The following MGMT variants were observed in gnomAD, a reference collection of about 807,000 sequenced individuals.
The protein encoded by MGMT is methylated-DNA--protein-cysteine methyltransferase.
MGMT carries 14 observed loss-of-function variants against 15.9 expected under a neutral mutation model. The observed-to-expected ratio is 0.88, with a 90% CI of 0.58 to 1.37. The LOEUF (loss-of-function observed/expected upper bound fraction) is 1.37, where lower values mean the gene tolerates loss of function less well. MGMT is among the 40% of genes most tolerant of loss of function. The pLI is 0.00. For missense variants in MGMT, 282 were observed against 268.1 expected (o/e 1.05, Z -0.36); for synonymous variants, 130 against 118.2 (o/e 1.10, Z -0.65).
At chr10:129,520,770 G>C (rs572764086) in intron 1 of MGMT, among the ~76,000 whole-genome samples, 11 of 147,310 alleles carry the variant, frequency 7.5e-5, no homozygotes, top group Admixed American at 2.7e-4. Flanking sequence ...GAACCCCTAA[G>C]GTGTGCCTGC....
At chr10:129,759,162 C>T (rs753107469) in intron 3 of MGMT, 40 bp from the exon 4 acceptor site, 44 of 1,611,140 alleles carry the variant, frequency 2.7e-5, no homozygotes, top group Middle Eastern at 1.6e-4. Flanking sequence ...CTGCTGAAGC[C>T]GTTTGTCCAA....
chr10:129,542,742 C>T (rs746392044), intron 2 of MGMT, among the ~76,000 whole-genome samples: 9 of 152,140 alleles, frequency 5.9e-5, no homozygotes, highest in African/African-American at 1.9e-4. Flanking sequence ...TTATAGAAAT[C>T]GTCTGTTTTT....
In MGMT at chr10:129,497,288, C is replaced by T. The variant is rs372830533; in HGVS notation, c.-13+29992C>T. ...CAAGGGGAGGGTTTTCACGGAGGGGCGGTGCACAGCTCTGTGCCTCCCCGG... is the reference window on the plus strand; with the variant it reads ...CAAGGGGAGGGTTTTCACGGAGGGGTGGTGCACAGCTCTGTGCCTCCCCGG... On this transcript the variant is annotated intron_variant, in intron 1 of 4. Transcript: ENST00000651593. Among the ~76,000 whole-genome samples, 55 of 152,232 alleles carry T rather than the reference C, an allele frequency of 3.6e-4. No homozygotes were observed. The East Asian group carries it at 8.3e-3, about 23-fold the overall frequency.
At chr10:129,734,661 A>C (rs1470198506) in intron 3 of MGMT, among the ~76,000 whole-genome samples, 1 of 152,068 alleles carries the variant, frequency 6.6e-6, no homozygotes, top group African/African-American at 2.4e-5. Flanking sequence ...GAATGCTTCC[A>C]GTTTTTGCCC....
intron 2 of MGMT, among the ~76,000 whole-genome samples, chr10:129,554,883 G>A (rs1437213549): frequency 6.6e-6 from 1 of 152,146 alleles, no homozygotes. Context: ...TCCGGAGCGA[G>A]ATTCCTAACT....
At chr10:129,521,811 A>T (rs979296835) in intron 1 of MGMT, among the ~76,000 whole-genome samples, 13 of 152,212 alleles carry the variant, frequency 8.5e-5, no homozygotes, top group African/African-American at 2.9e-4. Flanking sequence ...GCCGCAGCTG[A>T]GGCCTGTGCA....
At chr10:129,711,289 A>G (rs925395421) in intron 3 of MGMT, among the ~76,000 whole-genome samples, 1 of 152,236 alleles carries the variant, frequency 6.6e-6, no homozygotes, top group Non-Finnish European at 1.5e-5. Flanking sequence ...TTAGGTTAAA[A>G]CTTATCAAAT....
chr10:129,643,026 T>C (rs907035130), intron 2 of MGMT, among the ~76,000 whole-genome samples: 4 of 152,156 alleles, frequency 2.6e-5, no homozygotes, highest in African/African-American at 7.2e-5. Context: ...AGCGAATGTG[T>C]AGTGGTTTCT....
intron 1 of MGMT, among the ~76,000 whole-genome samples, chr10:129,474,960 A>C (rs1429996022): frequency 6.6e-6 from 1 of 151,704 alleles, no homozygotes; most frequent in Non-Finnish European, 1.5e-5. Context: ...GGTACTGGTG[A>C]GGGCTGGCTA....
chr10:129,619,471 CTT>C (rs906873408), intron 2 of MGMT, among the ~76,000 whole-genome samples: 13 of 151,972 alleles, frequency 8.6e-5, no homozygotes, highest in Admixed American at 2.6e-4. Flanking sequence ...CACATTTTGT[CTT>C]TTTTAGGCTT....
rs931117464 is a variant in MGMT at position 129,659,168 on chromosome 10, C to A, written c.126-48727C>A. ...GGTCAGGAGTTCGAGACCAGCCTGG[C>A]CAACACAGTGAAACCCCATCTCTAC... On this transcript the variant is annotated intron_variant, in intron 2 of 4. Transcript: ENST00000651593. The surrounding 1 kb of genome is among the most constrained non-coding windows in gnomAD (Gnocchi z 4.1). Among the ~76,000 whole-genome samples, 9 of 152,134 alleles carry A rather than the reference C, an allele frequency of 5.9e-5. No individual in the cohort carries two copies. The East Asian group carries it at 1.3e-3, about 23-fold the overall frequency.
At chr10:129,680,022 T>A (rs943268549) in intron 2 of MGMT, among the ~76,000 whole-genome samples, 1 of 152,154 alleles carries the variant, frequency 6.6e-6, no homozygotes, top group East Asian at 1.9e-4. Context: ...TGTCTTCGAT[T>A]TAGAAAGGAA....
chr10:129,555,012 G>C (rs1200736566), intron 2 of MGMT, among the ~76,000 whole-genome samples: 1 of 152,178 alleles, frequency 6.6e-6, no homozygotes, highest in African/African-American at 2.4e-5. Flanking sequence ...ACAATTAAAT[G>C]AGCTGACCAG....
At chr10:129,608,808 C>T (rs1256121763) in intron 2 of MGMT, among the ~76,000 whole-genome samples, 4 of 152,244 alleles carry the variant, frequency 2.6e-5, no homozygotes, top group Non-Finnish European at 5.9e-5. Flanking sequence ...GGAGGCCCAG[C>T]GCGTGCTCCC....
intron 2 of MGMT, among the ~76,000 whole-genome samples, chr10:129,630,999 A>G (rs2133082626): frequency 6.6e-6 from 1 of 152,350 alleles, no homozygotes; most frequent in Non-Finnish European, 1.5e-5. Context: ...AAGGGAAGGA[A>G]AAATATCTCG....
rs544428349 is a variant in MGMT at position 129,729,225 on chromosome 10, C to T, written c.274+21182C>T. ...ACTCTTCAGGGGACAAACTTCGTGC[C>T]TCGTGTGAAAAACGAAAGGGCCCCA... On this transcript the variant is annotated intron_variant, in intron 3 of 4. Coordinates refer to ENST00000651593, the MANE Select transcript of MGMT (RefSeq NM_002412.5). Among the ~76,000 whole-genome samples the T allele has an allele frequency of 9.2e-5, 14 of 152,282 alleles. No individual in the cohort carries two copies. In the South Asian group the frequency reaches 1.2e-3, roughly 14 times the overall value.
At chr10:129,634,511 TC>T (rs1329108383) in intron 2 of MGMT, among the ~76,000 whole-genome samples, 1 of 152,172 alleles carries the variant, frequency 6.6e-6, no homozygotes, top group Non-Finnish European at 1.5e-5. Flanking sequence ...AATCCTTCCT[TC>T]CTTTCTTCCT....
chr10:129,523,640 G>A (rs1564841961), intron 1 of MGMT, among the ~76,000 whole-genome samples: 1 of 152,188 alleles, frequency 6.6e-6, no homozygotes, highest in Non-Finnish European at 1.5e-5. Context: ...TTGCTTTCAC[G>A]GGATTTGGGG....
intron 2 of MGMT, among the ~76,000 whole-genome samples, chr10:129,592,532 A>G (rs949499353): frequency 6.6e-6 from 1 of 152,234 alleles, no homozygotes; most frequent in Non-Finnish European, 1.5e-5. Flanking sequence ...ATGGATTTTA[A>G]TGGAACCGTG....
Sources: gnomAD v4.1 joint callset for allele counts (sites outside exome capture counted in the v4.1 genomes callset) on GRCh38, gnomAD v4.1.1 for gene constraint, Gnocchi (gnomAD v3.1) non-coding constraint, MANE v1.5 for transcripts, NCBI Gene and HGNC (gene_info 2026-07-23, HGNC 2026-07-21) for gene names.